GALNT10: variants seen among roughly 807,000 people sequenced by gnomAD.
GALNT10 encodes GalNAc transferase 10.
GALNT10 carries 41 observed loss-of-function variants against 75.0 expected under a neutral mutation model. The ratio of observed to expected loss-of-function variants is 0.55; its 90% CI spans 0.43 to 0.71. The LOEUF is 0.71. Among genes scored for constraint, GALNT10 ranks in the 30% least tolerant of loss-of-function variants. GALNT10 has a pLI of 0.00. For synonymous variants in GALNT10, 302 were observed against 313.0 expected (o/e 0.96, Z 0.37); for missense variants, 727 against 818.5 (o/e 0.89, Z 1.36).
chr5:154,219,838 T>TCTCTCTCACACACACA (rs1491445463), intron 1 of GALNT10, among the ~76,000 whole-genome samples: 11 of 125,554 alleles, frequency 8.8e-5, no homozygotes, highest in African/African-American at 2.9e-4. Context: ...TCTCTCTCTC[T>TCTCTCTCACACACACA]CACACACACA....
At chr5:154,414,671 T>TG (rs1010194408) in intron 10 of GALNT10, among the ~76,000 whole-genome samples, 1 of 152,102 alleles carries the variant, frequency 6.6e-6, no homozygotes, top group Non-Finnish European at 1.5e-5. Flanking sequence ...ATTATGATGA[T>TG]GGTTTCTCGG....
At chr5:154,285,980 T>G (rs1185715117) in intron 1 of GALNT10, among the ~76,000 whole-genome samples, 2 of 152,192 alleles carry the variant, frequency 1.3e-5, no homozygotes, top group Non-Finnish European at 2.9e-5. Context: ...TGGAATGCTG[T>G]GTACTCCTCT....
chr5:154,373,769 G>T (rs2113170210), intron 4 of GALNT10, among the ~76,000 whole-genome samples: 1 of 152,304 alleles, frequency 6.6e-6, no homozygotes, highest in Admixed American at 6.5e-5. Flanking sequence ...ATAAGGACAA[G>T]AGAAGCATAA....
chr5:154,298,156 G>T lies in GALNT10; in HGVS notation c.401+77G>T. 1 of 1,347,312 alleles carries T rather than the reference G, an allele frequency of 7.4e-7. No individual in the cohort carries two copies. 83.5% of individuals were successfully genotyped at this position (1,347,312 alleles called of 1,614,324 possible). A position where few individuals can be genotyped will look rare whatever the true frequency, so the allele number is the denominator to read the frequency against. ...TTGTTGAGAATTAATTAAGGAAGCAGGTACATGGAGCCCTGCTGACGGAGA... is the reference window on the plus strand; with the variant it reads ...TTGTTGAGAATTAATTAAGGAAGCATGTACATGGAGCCCTGCTGACGGAGA... On this transcript the variant is annotated intron_variant, in intron 3 of 11. Coordinates refer to ENST00000297107, the MANE Select transcript of GALNT10 (RefSeq NM_198321.4). The surrounding 1 kb of genome is among the most constrained non-coding windows in gnomAD (Gnocchi z 4.1).
intron 4 of GALNT10, among the ~76,000 whole-genome samples, chr5:154,371,537 AGTGTGTGTGTGTGT>A (rs757305979): frequency 2.1e-4 from 15 of 70,858 alleles, no homozygotes; most frequent in African/African-American, 4.7e-4. Context: ...GACACACCAC[AGTGTGTGTGTGTGT>A]GTGTGTGTGT....
intron 7 of GALNT10, chr5:154,388,534 A>G (rs929277366): frequency 6.6e-6 from 1 of 152,162 alleles, no homozygotes; most frequent in Non-Finnish European, 1.5e-5. Context: ...AAGGCCTCGC[A>G]CAGCCGGAAG....
intron 4 of GALNT10, among the ~76,000 whole-genome samples, chr5:154,362,000 C>G (rs939463636): frequency 6.7e-6 from 1 of 150,096 alleles, no homozygotes. Flanking sequence ...AGACAGCCAT[C>G]TGGGTCCCTG....
At chr5:154,414,918 G>T (rs1756475008) in intron 10 of GALNT10, among the ~76,000 whole-genome samples, 1 of 152,140 alleles carries the variant, frequency 6.6e-6, no homozygotes, top group East Asian at 1.9e-4. Context: ...GAGGTTAGGA[G>T]TCCAAGACCA....
intron 4 of GALNT10, among the ~76,000 whole-genome samples, chr5:154,358,848 A>G (rs1235174320): frequency 6.6e-6 from 1 of 151,758 alleles, no homozygotes; most frequent in African/African-American, 2.4e-5. Context: ...TTCTCAGGAC[A>G]CTCTCCCCAC....
intron 3 of GALNT10, among the ~76,000 whole-genome samples, chr5:154,322,698 C>T (rs1260349347): frequency 6.6e-6 from 1 of 152,144 alleles, no homozygotes; most frequent in African/African-American, 2.4e-5. Context: ...GGAAAATTCC[C>T]TATCCTCCCA....
chr5:154,207,189 C>T (rs922384343), intron 1 of GALNT10, among the ~76,000 whole-genome samples: 2 of 152,208 alleles, frequency 1.3e-5, no homozygotes, highest in East Asian at 3.8e-4. Context: ...CTGGGACATG[C>T]GCAATATGCG....
intron 4 of GALNT10, chr5:154,338,088 C>G: frequency 8.6e-7 from 1 of 1,159,764 alleles, no homozygotes; most frequent in Admixed American, 1.7e-5. Flanking sequence ...TCAGCATCTT[C>G]TTTAATGCCA....
rs577454141 is a variant in GALNT10 at position 154,302,763 on chromosome 5, CT to C, written c.401+4689del. Among the ~76,000 whole-genome samples, 7 of 152,204 alleles carry C rather than the reference CT, an allele frequency of 4.6e-5. No individual in the cohort carries two copies. In the East Asian group the frequency reaches 1.4e-3, roughly 29 times the overall value. ...CTTCCATGTTCCTTTTTGCTTTGTC[CT>C]TTTTGTTAAATTAACACAGTTAATT... is the stretch of plus-strand genomic sequence containing the variant. On this transcript the variant is annotated intron_variant, in intron 3 of 11. Transcript: ENST00000297107.
At chr5:154,194,550 G>C (rs953798479) in intron 1 of GALNT10, among the ~76,000 whole-genome samples, 2 of 152,148 alleles carry the variant, frequency 1.3e-5, no homozygotes, top group Non-Finnish European at 2.9e-5. Context: ...CTACCAAGGA[G>C]TCCAGCTGAG....
chr5:154,317,180 G>A (rs2113102681), intron 3 of GALNT10, among the ~76,000 whole-genome samples: 1 of 152,284 alleles, frequency 6.6e-6, no homozygotes, highest in Non-Finnish European at 1.5e-5. Context: ...GCTCCCTTAG[G>A]CACATACAAT....
chr5:154,295,610 G>T (rs1041751294), intron 2 of GALNT10, among the ~76,000 whole-genome samples: 2 of 152,176 alleles, frequency 1.3e-5, no homozygotes, highest in Non-Finnish European at 2.9e-5. Context: ...GTTGGGAAGG[G>T]TTGGGGTAAG....
intron 1 of GALNT10, among the ~76,000 whole-genome samples, chr5:154,251,380 A>G (rs1050664468): frequency 6.6e-6 from 1 of 151,934 alleles, no homozygotes; most frequent in Non-Finnish European, 1.5e-5. Context: ...TTTCCTTGCA[A>G]TTTATCTGTT....
At position 154,412,544 on chromosome 5, in the gene GALNT10, G is replaced by T; in HGVS notation, c.1387-345G>T. On this transcript the variant is annotated intron_variant, in intron 9 of 11. Coordinates refer to ENST00000297107, the MANE Select transcript of GALNT10 (RefSeq NM_198321.4). This position sits in a 1 kb window ranked among gnomAD's most constrained non-coding sequence, Gnocchi z 4.2. ...ACCTGCACCTGAGTCACCTGGAATG[G>T]GGGTAAAATCTGGTTCCTGGACCTG... The T allele has an allele frequency of 3.6e-6, 1 of 280,018 alleles. No individual in the cohort carries two copies. Among genetic ancestry groups the T allele is most frequent in the South Asian group, 3.4e-5 (1 of 29,088 alleles). 17.3% of individuals were successfully genotyped at this position (280,018 alleles called of 1,614,324 possible).
chr5:154,294,854 A>G lies in GALNT10; in HGVS notation c.198A>G (p.Gly66=), dbSNP rs376638597. 1.9e-6 allele frequency: 3 copies of G among 1,606,384 alleles called. No individual in the cohort carries two copies. The highest frequency in any genetic ancestry group is 2.6e-6 in the Non-Finnish European group (3 of 1,173,252). ...GACAAAAGAAAACGTTTTTCTTGGG[A>G]GATGGGCAGAAGCTGAAGGACTGGC... ...HSRQKKTFFL[G]DGQKLKDWHD... The change falls in exon 2 of 12, where the codon GGA becomes GGG. Residue 66 remains glycine (G), a synonymous_variant. Transcript: ENST00000297107.
Sources: gnomAD v4.1 joint callset for allele counts (sites outside exome capture counted in the v4.1 genomes callset) on GRCh38, gnomAD v4.1.1 for gene constraint, Gnocchi (gnomAD v3.1) non-coding constraint, MANE v1.5 for transcripts, NCBI Gene and HGNC (gene_info 2026-07-23, HGNC 2026-07-21) for gene names.